The following KCNMA1 variants were observed in gnomAD, a reference collection of about 807,000 sequenced individuals.
KCNMA1 encodes the protein Calcium-activated potassium channel subunit alpha-1.
In KCNMA1, 29 loss-of-function variants were observed where a neutral mutation model predicts 140.0. The observed-to-expected ratio is 0.21, with a 90% CI of 0.15 to 0.28. KCNMA1 has a LOEUF of 0.28. Among genes scored for constraint, KCNMA1 ranks in the 10% least tolerant of loss-of-function variants. The pLI is 1.00. For missense variants in KCNMA1, 880 were observed against 1,602.2 expected (o/e 0.55, Z 7.70); for synonymous variants, 612 against 611.9 (o/e 1.00, Z 0.00).
intron 15 of KCNMA1, 24 bp downstream of exon 15, chr10:77,039,504 A>G (rs2094529396): frequency 7.5e-7 from 1 of 1,337,554 alleles, no homozygotes; most frequent in Non-Finnish European, 1.1e-6. Context: ...AAAGCCAAAG[A>G]GCATCCAGTT....
chr10:76,962,200 C>T (rs966794317), intron 20 of KCNMA1, among the ~76,000 whole-genome samples: 1 of 152,194 alleles, frequency 6.6e-6, no homozygotes, highest in Non-Finnish European at 1.5e-5. Flanking sequence ...ATCCCAGTTC[C>T]TTCGGTGGCA....
At chr10:77,060,704 T>C (rs921983159) in intron 14 of KCNMA1, among the ~76,000 whole-genome samples, 3 of 152,176 alleles carry the variant, frequency 2.0e-5, no homozygotes, top group African/African-American at 7.2e-5. Context: ...GAATGTAGAT[T>C]TTTGCAGAAG....
chr10:77,183,321 A>G, intron 5 of KCNMA1, 100 bp downstream of exon 5: 1 of 805,662 alleles, frequency 1.2e-6, no homozygotes, highest in Non-Finnish European at 2.2e-6. Context: ...AATACATACA[A>G]CATTGTTTGT....
At chr10:76,873,588 C>G (rs910096179), downstream of KCNMA1, 1 of 152,122 alleles carries the variant, frequency 6.6e-6, no homozygotes, top group Non-Finnish European at 1.5e-5. Context: ...GCTTTACCAC[C>G]ATTCCAAAAG....
At chr10:77,431,988 T>A (rs1389081313) in intron 1 of KCNMA1, among the ~76,000 whole-genome samples, 12 of 150,540 alleles carry the variant, frequency 8.0e-5, no homozygotes, top group Middle Eastern at 3.2e-3. Flanking sequence ...CAAGACTCTA[T>A]CTCTGAAAAA....
rs985460319 is a variant in KCNMA1 at position 77,191,541 on chromosome 10, C to T, written c.603-6625G>A. On this transcript the variant is annotated intron_variant, in intron 3 of 27. Transcript: ENST00000286628. ...CGATTCTTCTCATGTTTACACTGGA[C>T]GGGGCATGTGTGTTCAATAAGTTGT... Among the ~76,000 whole-genome samples, 6 of 152,184 alleles carry T rather than the reference C, an allele frequency of 3.9e-5. No homozygotes were observed. In the East Asian group the frequency reaches 7.7e-4, roughly 20 times the overall value.
chr10:77,538,136 C>T (rs1015976457), intron 1 of KCNMA1, among the ~76,000 whole-genome samples: 1 of 151,612 alleles, frequency 6.6e-6, no homozygotes, highest in East Asian at 1.9e-4. Flanking sequence ...ACATACTCTA[C>T]ATTCACATAC....
intron 14 of KCNMA1, among the ~76,000 whole-genome samples, chr10:77,052,108 C>A (rs531196884): frequency 1.2e-4 from 18 of 152,290 alleles, no homozygotes; most frequent in African/African-American, 4.3e-4. Context: ...GATGTGGGGC[C>A]TGTGATTCAT....
At chr10:77,134,734 C>G (rs1053767810) in intron 5 of KCNMA1, among the ~76,000 whole-genome samples, 3 of 152,034 alleles carry the variant, frequency 2.0e-5, no homozygotes, top group Non-Finnish European at 4.4e-5. Context: ...CGCAGTGGCT[C>G]ACGCCTGTAA....
At chr10:77,412,358 C>A (rs2096638316) in intron 1 of KCNMA1, among the ~76,000 whole-genome samples, 1 of 152,206 alleles carries the variant, frequency 6.6e-6, no homozygotes, top group African/African-American at 2.4e-5. Flanking sequence ...CCCCACCCCA[C>A]CCTCTCCCTG....
intron 20 of KCNMA1, among the ~76,000 whole-genome samples, chr10:76,958,972 T>G (rs1278304475): frequency 6.6e-6 from 1 of 152,140 alleles, no homozygotes; most frequent in Non-Finnish European, 1.5e-5. Flanking sequence ...AAGTTTTTCT[T>G]GTCCATTTAA....
intron 1 of KCNMA1, among the ~76,000 whole-genome samples, chr10:77,611,615 C>T (rs898722817): frequency 6.6e-6 from 1 of 150,744 alleles, no homozygotes; most frequent in African/African-American, 2.4e-5. Context: ...GCGAGTTCTC[C>T]ATTAAGTGTG....
At chr10:77,372,517 C>T (rs1470049299) in intron 2 of KCNMA1, among the ~76,000 whole-genome samples, 1 of 152,148 alleles carries the variant, frequency 6.6e-6, no homozygotes, top group Non-Finnish European at 1.5e-5. Flanking sequence ...TTTACTCAGC[C>T]AAGTCACTCC....
chr10:77,233,579 C>T (rs965805267), intron 3 of KCNMA1, among the ~76,000 whole-genome samples: 1 of 152,180 alleles, frequency 6.6e-6, no homozygotes, highest in African/African-American at 2.4e-5. Flanking sequence ...TGTGAGCAAA[C>T]TCAGGACTGC....
At chr10:76,899,806 A>T (rs553700649) in intron 25 of KCNMA1, among the ~76,000 whole-genome samples, 80 of 152,306 alleles carry the variant, frequency 5.3e-4, no homozygotes, top group Non-Finnish European at 9.3e-4. Flanking sequence ...GTTCTTTGAC[A>T]TGACTCATAT....
At chr10:77,509,190 G>T (rs747040338) in intron 1 of KCNMA1, among the ~76,000 whole-genome samples, 1 of 151,812 alleles carries the variant, frequency 6.6e-6, no homozygotes, top group East Asian at 1.9e-4. Flanking sequence ...ATGCAATCTC[G>T]GCTCACTGCA....
At chr10:77,084,485 G>A (rs1021907061) in intron 12 of KCNMA1, 152 bp downstream of exon 12, 27 of 699,768 alleles carry the variant, frequency 3.9e-5, no homozygotes, top group African/African-American at 1.8e-4. Context: ...AGACAGCCTC[G>A]GCTCCCCCAG....
At chr10:77,326,498 T>G (rs1281347339) in intron 2 of KCNMA1, among the ~76,000 whole-genome samples, 2 of 151,412 alleles carry the variant, frequency 1.3e-5, no homozygotes, top group Non-Finnish European at 3.0e-5. Context: ...AATAGATTTG[T>G]CTGATGGTGA....
chr10:77,636,256 C>T (rs2093711615), intron 1 of KCNMA1: 4 of 1,440,318 alleles, frequency 2.8e-6, no homozygotes, highest in Non-Finnish European at 3.6e-6. Flanking sequence ...GGGTCCCCCA[C>T]TCCAGCCAGT....
Sources: gnomAD v4.1 joint callset for allele counts (sites outside exome capture counted in the v4.1 genomes callset) on GRCh38, gnomAD v4.1.1 for gene constraint, MANE v1.5 for transcripts, NCBI Gene and HGNC (gene_info 2026-07-23, HGNC 2026-07-21) for gene names.